The following MTUS2 variants were observed in gnomAD, a reference collection of about 807,000 sequenced individuals.
MTUS2 encodes microtubule associated scaffold protein 2, also known as microtubule-associated tumor suppressor candidate 2.
A neutral mutation model predicts 114.1 loss-of-function variants in MTUS2; 40 were observed. The ratio of observed to expected loss-of-function variants is 0.35; its 90% CI spans 0.27 to 0.46. The LOEUF (loss-of-function observed/expected upper bound fraction) is 0.46, where lower values mean the gene tolerates loss of function less well. MTUS2 is among the 20% of genes least tolerant of loss of function. The probability of loss-of-function intolerance (pLI) is 1.00; values close to 1 mark genes in which losing one functional copy is unlikely to be tolerated. For missense variants in MTUS2, 1,679 were observed against 1,705.4 expected (o/e 0.98, Z 0.27); for synonymous variants, 688 against 672.0 (o/e 1.02, Z -0.37).
chr13:29,299,675 A>G (rs1899107791), intron 6 of MTUS2, among the ~76,000 whole-genome samples: 1 of 152,200 alleles, frequency 6.6e-6, no homozygotes, highest in Non-Finnish European at 1.5e-5. Context: ...ACTGCATTCC[A>G]TTCAGGTTAA....
intron 5 of MTUS2, among the ~76,000 whole-genome samples, chr13:29,267,895 G>T (rs889895713): frequency 5.9e-5 from 9 of 152,170 alleles, no homozygotes; most frequent in African/African-American, 2.2e-4. Flanking sequence ...AGAAGCTTCT[G>T]GTGCTGCACA....
At chr13:29,286,867 T>C (rs1165677640) in intron 6 of MTUS2, among the ~76,000 whole-genome samples, 1 of 152,108 alleles carries the variant, frequency 6.6e-6, no homozygotes, top group Non-Finnish European at 1.5e-5. Flanking sequence ...ATTTTTGTAT[T>C]TTTAGTAAGG....
At chr13:29,191,945 T>A (rs73447249) in intron 5 of MTUS2, among the ~76,000 whole-genome samples, 2,647 of 152,276 alleles carry the variant, frequency 0.017, 85 homozygotes, top group African/African-American at 0.06. Context: ...TTGTCAGAGA[T>A]GTGGTGACTA....
At chr13:28,986,397 C>A (rs1042496858) in intron 2 of MTUS2, among the ~76,000 whole-genome samples, 2 of 152,160 alleles carry the variant, frequency 1.3e-5, no homozygotes, top group African/African-American at 4.8e-5. Context: ...TGGGCACTGG[C>A]TTCCTGGCTT....
chr13:29,376,224 A>G (rs1466691555), intron 8 of MTUS2, among the ~76,000 whole-genome samples: 1 of 152,150 alleles, frequency 6.6e-6, no homozygotes, highest in Admixed American at 6.6e-5. Flanking sequence ...CAAAATTATA[A>G]CATTGTCTGA....
At chr13:29,030,178 C>G (rs927177198) in intron 3 of MTUS2, among the ~76,000 whole-genome samples, 1 of 152,142 alleles carries the variant, frequency 6.6e-6, no homozygotes, top group Non-Finnish European at 1.5e-5. Flanking sequence ...TTTCCCCAAA[C>G]TATTTTCTCT....
intron 5 of MTUS2, among the ~76,000 whole-genome samples, chr13:29,115,296 C>T (rs1891044815): frequency 6.6e-6 from 1 of 152,174 alleles, no homozygotes; most frequent in Non-Finnish European, 1.5e-5. Context: ...GCAGGTCGTA[C>T]ATTTGTGAGA....
At chr13:29,390,162 T>TC (rs146459770) in intron 8 of MTUS2, among the ~76,000 whole-genome samples, 2 of 118,980 alleles carry the variant, frequency 1.7e-5, no homozygotes, top group Admixed American at 8.8e-5. Context: ...ACACACACAC[T>TC]TGTGTGTGTG....
At chr13:29,178,790 A>G (rs1265183491) in intron 5 of MTUS2, among the ~76,000 whole-genome samples, 2 of 152,114 alleles carry the variant, frequency 1.3e-5, no homozygotes, top group African/African-American at 4.8e-5. Flanking sequence ...GTCTTTTGTG[A>G]GAGTGTTGTG....
chr13:29,289,329 G>A (rs1406016129), intron 6 of MTUS2, among the ~76,000 whole-genome samples: 6 of 152,218 alleles, frequency 3.9e-5, no homozygotes, highest in African/African-American at 1.4e-4. Flanking sequence ...CACTGGACTT[G>A]GGACAAATCA....
intron 8 of MTUS2, among the ~76,000 whole-genome samples, chr13:29,379,842 AAC>A (rs1332723578): frequency 6.6e-6 from 1 of 152,266 alleles, no homozygotes; most frequent in Non-Finnish European, 1.5e-5. Context: ...ACTGAGGAGA[AAC>A]AGACATAAGG....
chr13:28,832,838 AACTG>A lies in MTUS2; in HGVS notation c.-315-6936_-315-6933del, dbSNP rs1008044220. On this transcript the variant is annotated intron_variant, in intron 1 of 15. Coordinates refer to ENST00000612955, the MANE Select transcript of MTUS2 (RefSeq NM_001033602.4). ...CAGCAAAATTTACAAATCTTTACCT[AACTG>A]ACTAATAGAAAAAGAGAGAAGAATC... 7.9e-5 allele frequency among the ~76,000 whole-genome samples: 12 copies of A among 151,866 alleles called. 1 individual carries two copies. Among genetic ancestry groups the A allele is most frequent in the Admixed American group, 2.0e-4 (3 of 15,242 alleles).
At chr13:29,276,407 A>G (rs75111199) in intron 5 of MTUS2, among the ~76,000 whole-genome samples, 11,284 of 152,224 alleles carry the variant, frequency 0.074, 608 homozygotes, top group Non-Finnish European at 0.11. Context: ...TGATGATGTG[A>G]TGATTCAGAT....
chr13:29,389,320 CATAT>C (rs1312634078), intron 8 of MTUS2, among the ~76,000 whole-genome samples: 40 of 66,008 alleles, frequency 6.1e-4, no homozygotes, highest in Non-Finnish European at 8.8e-4. Flanking sequence ...TATGTATACA[CATAT>C]GTGTGTATAT....
intron 9 of MTUS2, among the ~76,000 whole-genome samples, chr13:29,442,836 T>G (rs936102701): frequency 1.3e-5 from 2 of 152,364 alleles, no homozygotes; most frequent in Non-Finnish European, 1.5e-5. Context: ...AACTGAAAGA[T>G]GCTTATGAGT....
intron 3 of MTUS2, among the ~76,000 whole-genome samples, chr13:29,029,932 A>T (rs1782394525): frequency 6.6e-6 from 1 of 152,224 alleles, no homozygotes; most frequent in African/African-American, 2.4e-5. Flanking sequence ...CCAACATTGG[A>T]GATCACATTT....
In MTUS2 at chr13:29,025,888, A is replaced by G. The variant is rs201582472; in HGVS notation, c.1190A>G (p.Lys397Arg). 2.9e-4 allele frequency: 466 copies of G among 1,613,412 alleles called. 1 individual carries two copies. The highest frequency in any genetic ancestry group is 3.5e-4 in the Non-Finnish European group (418 of 1,179,628). ...GEQDSLHTTP[K>R]QGSASLGGAD... Reference sequence around the variant, plus strand: ...CAGGATTCTCTCCACACCACCCCCAAACAGGGCTCTGCTTCCTTAGGAGGG... The same window carrying G: ...CAGGATTCTCTCCACACCACCCCCAGACAGGGCTCTGCTTCCTTAGGAGGG... Residue 397 changes from lysine to arginine, a missense_variant, in exon 3 of 16, where the codon AAA (lysine) becomes AGA (arginine). This residue lies in a region of MTUS2 where 843 missense variants were observed against 770.8 expected (regional missense o/e 1.09). Transcript: ENST00000612955.
Position 29,084,790 on chromosome 13 carries a change from C to CG in MTUS2, c.2447-15983_2447-15982insG, listed in dbSNP as rs1287950765. On this transcript the variant is annotated intron_variant, in intron 4 of 15. Coordinates refer to ENST00000612955, the MANE Select transcript of MTUS2 (RefSeq NM_001033602.4). ...TGACCTCAGGTGATCCACCCCCCCC[C>CG]CTCACCGTTGGCCTTCCAAAGTGCT... 1.4e-4 allele frequency among the ~76,000 whole-genome samples: 16 copies of CG among 112,988 alleles called. 1 individual carries two copies. Among genetic ancestry groups the CG allele is most frequent in the Admixed American group, 1.1e-3 (13 of 11,598 alleles). The allele number at this position is 112,988 out of a possible 152,430, so 74.1% of individuals were successfully genotyped here. A position where few individuals can be genotyped will look rare whatever the true frequency, so the allele number is the denominator to read the frequency against.
intron 5 of MTUS2, among the ~76,000 whole-genome samples, chr13:29,152,961 C>T (rs1016366553): frequency 4.6e-5 from 7 of 152,080 alleles, no homozygotes; most frequent in Non-Finnish European, 1.0e-4. Flanking sequence ...AAGATTTTTT[C>T]TATTTTCTTT....
Sources: allele counts gnomAD v4.1 joint callset (sites outside exome capture counted in the v4.1 genomes callset), GRCh38; gene constraint gnomAD v4.1.1; regional missense constraint gnomAD v4.1.1; transcripts MANE v1.5; gene names NCBI Gene and HGNC (gene_info 2026-07-23, HGNC 2026-07-21).